Variants in COL25A1 observed in about 807,000 individuals in gnomAD.
COL25A1 encodes the protein collagen alpha-1(XXV) chain.
COL25A1 carries 103 observed loss-of-function variants against 128.4 expected under a neutral mutation model. The ratio of observed to expected loss-of-function variants is 0.80; its 90% CI spans 0.68 to 0.94. The LOEUF is 0.94. Ranked by LOEUF, COL25A1 falls within the 40% of genes least tolerant of loss-of-function variation. The pLI is 0.00. For missense variants in COL25A1, 745 were observed against 840.0 expected (o/e 0.89, Z 1.40); for synonymous variants, 279 against 277.2 (o/e 1.01, Z -0.06).
At position 109,301,781 on chromosome 4, in the gene COL25A1, T is replaced by G; in HGVS notation, c.239A>C (p.Asp80Ala). 1 of 1,614,226 alleles carries G rather than the reference T, an allele frequency of 6.2e-7. No individual in the cohort carries two copies. The highest frequency in any genetic ancestry group is 8.5e-7 in the Non-Finnish European group (1 of 1,180,044). Reference protein sequence around the residue: ...KGAPSIHLLPDTLDHLKTMVQ... With the variant: ...KGAPSIHLLPATLDHLKTMVQ... ...CATAGTCTTGAGGTGATCCAGGGTA[T>G]CAGGCAGCAGATGAATGGAAGGGGC... The change falls in exon 2 of 38, where the codon GAT becomes GCT. Residue 80 changes from aspartate to alanine, a missense_variant. By Grantham distance (126) the Asp-to-Ala change is moderately radical (BLOSUM62 -2). This residue lies in a region of COL25A1 where 319 missense variants were observed against 324.9 expected (regional missense o/e 0.98). Transcript: ENST00000399132.
At chr4:108,831,807 T>A (rs974653957) in intron 32 of COL25A1, among the ~76,000 whole-genome samples, 8 of 151,958 alleles carry the variant, frequency 5.3e-5, no homozygotes, top group Non-Finnish European at 4.4e-5. Context: ...CCAAAAGATA[T>A]GGAAACATGG....
At chr4:108,847,575 T>C (rs1735260164) in intron 27 of COL25A1, among the ~76,000 whole-genome samples, 1 of 151,976 alleles carries the variant, frequency 6.6e-6, no homozygotes, top group African/African-American at 2.4e-5. Flanking sequence ...GAAGAAGACC[T>C]TGCAAAGCCT....
chr4:108,820,788 T>A (rs1288598984), intron 35 of COL25A1, among the ~76,000 whole-genome samples: 1 of 151,934 alleles, frequency 6.6e-6, no homozygotes, highest in East Asian at 1.9e-4. Context: ...GTAGGCAGGA[T>A]AATTACATAG....
chr4:109,228,121 T>C (rs1778925700), intron 3 of COL25A1, among the ~76,000 whole-genome samples: 1 of 152,132 alleles, frequency 6.6e-6, no homozygotes, highest in Non-Finnish European at 1.5e-5. Flanking sequence ...TTGTTCTCTC[T>C]AGGACCCCTG....
intron 3 of COL25A1, among the ~76,000 whole-genome samples, chr4:109,238,575 T>C (rs1282174371): frequency 6.6e-6 from 1 of 152,044 alleles, no homozygotes; most frequent in Non-Finnish European, 1.5e-5. Context: ...ATTTTGGAGC[T>C]TTGATCTCAA....
At chr4:109,153,427 CA>C (rs1245154982) in intron 3 of COL25A1, among the ~76,000 whole-genome samples, 2 of 149,966 alleles carry the variant, frequency 1.3e-5, no homozygotes, top group East Asian at 3.9e-4. Context: ...TTTTAATAAC[CA>C]AAAAAGAAAG....
At chr4:108,975,829 C>T (rs1284308835) in intron 6 of COL25A1, among the ~76,000 whole-genome samples, 2 of 152,038 alleles carry the variant, frequency 1.3e-5, no homozygotes, top group Non-Finnish European at 1.5e-5. Context: ...TCTCTTCATA[C>T]CTTTTGTCCT....
At chr4:108,944,796 C>A (rs1560909461) in intron 8 of COL25A1, among the ~76,000 whole-genome samples, 3 of 152,044 alleles carry the variant, frequency 2.0e-5, no homozygotes, top group African/African-American at 7.2e-5. Flanking sequence ...CTCAGAAAGA[C>A]CTTTTTCCTC....
In COL25A1 at chr4:108,810,948, C is replaced by T. The variant is rs1165107884; in HGVS notation, c.*2979G>A. On this transcript the variant is annotated 3_prime_UTR_variant, in exon 38 of 38. Coordinates refer to ENST00000399132, the MANE Select transcript of COL25A1 (RefSeq NM_198721.4). ...AGCACCAACCAACATAAATGAAAAA[C>T]AATTTTAAATCTAAAACACATATCA... 1 of 151,960 alleles carries T rather than the reference C, an allele frequency of 6.6e-6. No individual in the cohort carries two copies. The highest frequency in any genetic ancestry group is 1.5e-5 in the Non-Finnish European group (1 of 67,866). 9.4% of individuals were successfully genotyped at this position (151,960 alleles called of 1,614,324 possible). A position where few individuals can be genotyped will look rare whatever the true frequency, so the allele number is the denominator to read the frequency against.
intron 8 of COL25A1, among the ~76,000 whole-genome samples, chr4:108,971,603 G>T (rs139292966): frequency 6.6e-6 from 1 of 152,276 alleles, no homozygotes; most frequent in African/African-American, 2.4e-5. Flanking sequence ...ACAGTGTGTG[G>T]CTGAGTGTTG....
chr4:108,812,127 C>T lies in COL25A1; in HGVS notation c.*1800G>A, dbSNP rs1335172199. 1.3e-5 allele frequency: 2 copies of T among 152,140 alleles called. No individual in the cohort carries two copies. The highest frequency in any genetic ancestry group is 2.1e-4 in the South Asian group (1 of 4,828). 9.4% of individuals were successfully genotyped at this position (152,140 alleles called of 1,614,324 possible). ...ACTTAGAATAAGCCATTTCAAAACA[C>T]GCTACCAACTCTTTACTGTGCAAAG... On this transcript the variant is annotated 3_prime_UTR_variant, in exon 38 of 38. Coordinates refer to ENST00000399132, the MANE Select transcript of COL25A1 (RefSeq NM_198721.4).
intron 3 of COL25A1, among the ~76,000 whole-genome samples, chr4:109,156,868 T>C (rs1772088829): frequency 6.6e-6 from 1 of 152,354 alleles, no homozygotes; most frequent in Middle Eastern, 3.4e-3. Flanking sequence ...TACTGTACCT[T>C]TCATTACATT....
chr4:109,021,815 T>A (rs1321698603), intron 5 of COL25A1: 2 of 450,550 alleles, frequency 4.4e-6, no homozygotes, highest in Non-Finnish European at 8.9e-6. Flanking sequence ...GTGTCTGTCC[T>A]ATGCGGTTGA....
At chr4:108,837,020 G>A (rs1733894568) in intron 31 of COL25A1, among the ~76,000 whole-genome samples, 1 of 151,236 alleles carries the variant, frequency 6.6e-6, no homozygotes, top group Non-Finnish European at 1.5e-5. Flanking sequence ...TGGAGGTTGT[G>A]GTGAGCCAAG....
At chr4:109,040,843 T>C (rs1328449120) in intron 5 of COL25A1, among the ~76,000 whole-genome samples, 1 of 151,380 alleles carries the variant, frequency 6.6e-6, no homozygotes, top group African/African-American at 2.4e-5. Flanking sequence ...CCTTGTACTG[T>C]CTGTTTTGGT....
intron 3 of COL25A1, among the ~76,000 whole-genome samples, chr4:109,282,520 A>G (rs1723471864): frequency 6.6e-6 from 1 of 152,192 alleles, no homozygotes; most frequent in African/African-American, 2.4e-5. Context: ...GGAAAAATGA[A>G]CTGAGATTTT....
intron 3 of COL25A1, among the ~76,000 whole-genome samples, chr4:109,109,877 C>G (rs746851625): frequency 2.0e-5 from 3 of 152,194 alleles, no homozygotes; most frequent in Non-Finnish European, 4.4e-5. Context: ...CACTCGTACC[C>G]TCACAGAGAA....
chr4:108,918,095 C>T, intron 13 of COL25A1, 77 bp downstream of exon 13: 1 of 839,368 alleles, frequency 1.2e-6, no homozygotes, highest in Non-Finnish European at 1.9e-6. Flanking sequence ...TTATTACTAA[C>T]ATTATGGACT....
At chr4:108,951,200 A>C in intron 8 of COL25A1, among the ~76,000 whole-genome samples, 1 of 152,076 alleles carries the variant, frequency 6.6e-6, no homozygotes, top group East Asian at 1.9e-4. Context: ...TTCAAGAGGG[A>C]AGTAGTGGAA....
Sources: gnomAD v4.1 joint callset for allele counts (sites outside exome capture counted in the v4.1 genomes callset) on GRCh38, gnomAD v4.1.1 for gene constraint, gnomAD v4.1.1 regional missense constraint, MANE v1.5 for transcripts, NCBI Gene and HGNC (gene_info 2026-07-23, HGNC 2026-07-21) for gene names.